The following HRH1 variants were observed in gnomAD, a reference collection of about 807,000 sequenced individuals.
HRH1 encodes histamine H1 receptor.
Under a neutral mutation model 10.3 loss-of-function variants are expected in HRH1, and 6 were observed. The ratio of observed to expected loss-of-function variants is 0.58; its 90% confidence interval spans 0.32 to 1.15. HRH1 has a LOEUF of 1.15. HRH1 is among the 50% of genes most tolerant of loss of function. The probability of loss-of-function intolerance (pLI) is 0.05; values close to 1 mark genes in which losing one functional copy is unlikely to be tolerated. For synonymous variants in HRH1, 242 were observed against 236.7 expected, an observed-to-expected ratio of 1.02 and a Z score of -0.21; for missense variants, 514 against 615.3, an observed-to-expected ratio of 0.84 and a Z score of 1.74.
At chr3:11,208,008 C>T (rs1177077415) in intron 1 of HRH1, among the ~76,000 whole-genome samples, 1 of 152,204 alleles carries the variant, frequency 6.6e-6, no homozygotes, top group East Asian at 1.9e-4. Context: ...AGTCTTTCCA[C>T]GCAAGAGCAG....
chr3:11,183,234 A>G (rs1937390579), intron 1 of HRH1, among the ~76,000 whole-genome samples: 1 of 152,192 alleles, frequency 6.6e-6, no homozygotes, highest in African/African-American at 2.4e-5. Context: ...TTGGGGGACA[A>G]GGATTCCTTG....
intron 1 of HRH1, chr3:11,253,045 A>G (rs1386154246): frequency 1.3e-5 from 2 of 152,184 alleles, no homozygotes; most frequent in Non-Finnish European, 2.9e-5. Context: ...TGGAATTAAC[A>G]GAAATTTGCT....
intron 1 of HRH1, among the ~76,000 whole-genome samples, chr3:11,162,364 C>T (rs1278833070): frequency 3.3e-5 from 5 of 151,648 alleles, no homozygotes; most frequent in East Asian, 2.0e-4. Context: ...TGGGGGAGTG[C>T]GGGCAAGGGG....
intron 1 of HRH1, among the ~76,000 whole-genome samples, chr3:11,176,520 C>T (rs1209618572): frequency 6.6e-6 from 1 of 152,082 alleles, no homozygotes; most frequent in African/African-American, 2.4e-5. Context: ...CCAATGGTAC[C>T]CACCCCTCCA....
At chr3:11,251,880 G>A (rs761803479) in intron 1 of HRH1, among the ~76,000 whole-genome samples, 4 of 152,164 alleles carry the variant, frequency 2.6e-5, no homozygotes, top group Non-Finnish European at 5.9e-5. Flanking sequence ...AGTAGTTGCC[G>A]CTACAGATTG....
chr3:11,191,578 A>G (rs1265599475), intron 1 of HRH1, among the ~76,000 whole-genome samples: 4 of 151,928 alleles, frequency 2.6e-5, no homozygotes, highest in African/African-American at 9.7e-5. Context: ...CTTCATATGC[A>G]CCCCCCACCT....
At chr3:11,244,882 A>T (rs1310644848) in intron 1 of HRH1, among the ~76,000 whole-genome samples, 1 of 152,174 alleles carries the variant, frequency 6.6e-6, no homozygotes, top group African/African-American at 2.4e-5. Flanking sequence ...CCCCCAGGGG[A>T]TACCTGGCAG....
At chr3:11,215,677 G>A (rs1488866304) in intron 1 of HRH1, among the ~76,000 whole-genome samples, 2 of 152,176 alleles carry the variant, frequency 1.3e-5, no homozygotes, top group Admixed American at 6.5e-5. Flanking sequence ...TCCTGACCTC[G>A]TGATCCGCCC....
chr3:11,220,119 G>A (rs1938656914), intron 1 of HRH1, among the ~76,000 whole-genome samples: 1 of 152,088 alleles, frequency 6.6e-6, no homozygotes, highest in African/African-American at 2.4e-5. Context: ...TAGTAATCTG[G>A]AAAAGTAATT....
At chr3:11,170,566 C>A (rs2125012574) in intron 1 of HRH1, among the ~76,000 whole-genome samples, 1 of 152,368 alleles carries the variant, frequency 6.6e-6, no homozygotes, top group East Asian at 1.9e-4. Context: ...TGATCCTATT[C>A]CACAGATAAG....
intron 1 of HRH1, among the ~76,000 whole-genome samples, chr3:11,148,107 G>A (rs573897748): frequency 1.3e-5 from 2 of 151,756 alleles, no homozygotes; most frequent in African/African-American, 4.8e-5. Flanking sequence ...TTGAACCCAG[G>A]AGGCGGAGGT....
At chr3:11,158,046 G>A (rs937413783) in intron 1 of HRH1, among the ~76,000 whole-genome samples, 2 of 152,204 alleles carry the variant, frequency 1.3e-5, no homozygotes, top group Non-Finnish European at 2.9e-5. Context: ...AATGTCTACG[G>A]AATGGATGAA....
intron 1 of HRH1, among the ~76,000 whole-genome samples, chr3:11,256,607 T>TG (rs1939789513): frequency 6.6e-6 from 1 of 152,000 alleles, no homozygotes; most frequent in Non-Finnish European, 1.5e-5. Context: ...AAAAGGATCC[T>TG]GGCTGATATG....
At position 11,172,704 on chromosome 3, in the gene HRH1, C is replaced by CT. The variant is rs537415650; in HGVS notation, c.-36+18166dup. Among the ~76,000 whole-genome samples, 476 of 130,878 alleles carry CT rather than the reference C, an allele frequency of 3.6e-3. 5 individuals carry two copies. Among genetic ancestry groups the CT allele is most frequent in the Non-Finnish European group, 4.5e-3 (282 of 63,024 alleles). The allele number at this position is 130,878 out of a possible 152,430, so 85.9% of individuals were successfully genotyped here. On this transcript the variant is annotated intron_variant, in intron 1 of 1. Transcript: ENST00000431010. ...AATACTTTTGTGGCTTTTGGCGAAT[C>CT]TTTTTTTTTTTTTTTTGAGATGGAG...
At chr3:11,222,509 G>C (rs564266882) in intron 1 of HRH1, among the ~76,000 whole-genome samples, 2 of 152,266 alleles carry the variant, frequency 1.3e-5, no homozygotes, top group African/African-American at 4.8e-5. Context: ...ACAGCACTAT[G>C]TAAAATGCTT....
chr3:11,160,665 G>A (rs537189292), intron 1 of HRH1, among the ~76,000 whole-genome samples: 3 of 152,160 alleles, frequency 2.0e-5, no homozygotes, highest in African/African-American at 7.2e-5. Flanking sequence ...ATCTTTGGAG[G>A]CAGAGCCACC....
chr3:11,183,597 C>G (rs1465044118), intron 1 of HRH1, among the ~76,000 whole-genome samples: 2 of 152,160 alleles, frequency 1.3e-5, no homozygotes, highest in African/African-American at 4.8e-5. Context: ...CCCCGTGGGC[C>G]CTGCCGGGGC....
chr3:11,237,291 G>A (rs1281180603), intron 1 of HRH1, among the ~76,000 whole-genome samples: 1 of 152,300 alleles, frequency 6.6e-6, no homozygotes, highest in East Asian at 1.9e-4. Flanking sequence ...GGATGTCCAT[G>A]TTTTCAATTC....
At chr3:11,159,423 G>A (rs943324908) in intron 1 of HRH1, among the ~76,000 whole-genome samples, 1 of 152,056 alleles carries the variant, frequency 6.6e-6, no homozygotes, top group Non-Finnish European at 1.5e-5. Flanking sequence ...TTTCTTTTTA[G>A]TTATAAATGG....
Sources: allele counts gnomAD v4.1 joint callset (sites outside exome capture counted in the v4.1 genomes callset), GRCh38; gene constraint gnomAD v4.1.1; transcripts MANE v1.5; gene names NCBI Gene and HGNC (gene_info 2026-07-23, HGNC 2026-07-21).